Variants in ARID1B observed in about 807,000 individuals in gnomAD.
The protein encoded by ARID1B is AT-rich interactive domain-containing protein 1B.
In ARID1B, 30 loss-of-function variants were observed where a neutral mutation model predicts 212.3. The ratio of observed to expected loss-of-function variants is 0.14; its 90% CI spans 0.11 to 0.19. The LOEUF (loss-of-function observed/expected upper bound fraction) is 0.19, where lower values mean the gene tolerates loss of function less well. Ranked by LOEUF, ARID1B falls within the 10% of genes least tolerant of loss-of-function variation. The pLI, the probability that ARID1B is intolerant of heterozygous loss-of-function variation, is 1.00. For missense variants in ARID1B, 2,891 were observed against 3,204.0 expected (o/e 0.90, Z 2.36); for synonymous variants, 1,402 against 1,301.7 (o/e 1.08, Z -1.66).
chr6:156,936,985 T>C (rs1163177323), intron 4 of ARID1B: 1 of 152,188 alleles, frequency 6.6e-6, no homozygotes, highest in African/African-American at 2.4e-5. Context: ...ATCTGATGGA[T>C]ATATTTTTGA....
intron 7 of ARID1B, among the ~76,000 whole-genome samples, chr6:157,137,435 GT>G (rs1203581821): frequency 6.6e-6 from 1 of 152,156 alleles, no homozygotes; most frequent in Non-Finnish European, 1.5e-5. Context: ...AAAGGATTAT[GT>G]AATTAACATG....
chr6:157,117,860 C>A (rs200066904), intron 6 of ARID1B, among the ~76,000 whole-genome samples: 159 of 152,310 alleles, frequency 1.0e-3, no homozygotes, highest in Non-Finnish European at 1.1e-3. Context: ...GCTGCTCCCC[C>A]CTGCCTCTGT....
At position 157,084,537 on chromosome 6, in the gene ARID1B, T is replaced by C. The variant is rs142628387; in HGVS notation, c.2248-125T>C. ...CTAATAAAAAGTGGCCATGCTTTTT[T>C]ATTTTGGGTGTTACCCAGAAAACCT... On this transcript the variant is annotated intron_variant, in intron 4 of 19. Coordinates refer to ENST00000636930, the MANE Select transcript of ARID1B (RefSeq NM_001374828.1). The C allele has an allele frequency of 2.3e-4, 290 of 1,268,290 alleles. 3 individuals are homozygous for C. In the East Asian group the frequency reaches 6.4e-3, roughly 28 times the overall value. 78.6% of individuals were successfully genotyped at this position (1,268,290 alleles called of 1,614,324 possible). A position where few individuals can be genotyped will look rare whatever the true frequency, so the allele number is the denominator to read the frequency against.
intron 4 of ARID1B, 45 bp from the exon 5 acceptor site, chr6:157,084,617 T>A (rs1397274079): frequency 6.3e-7 from 1 of 1,585,766 alleles, no homozygotes; most frequent in Admixed American, 1.8e-5. Context: ...GATGAGATAT[T>A]CATCCAAACG....
rs189467581 is a variant in ARID1B at position 157,097,884 on chromosome 6, A to G, written c.2492-12588A>G. Among the ~76,000 whole-genome samples, 21 of 152,360 alleles carry G rather than the reference A, an allele frequency of 1.4e-4. No homozygotes were observed. In the East Asian group the frequency reaches 4.1e-3, roughly 29 times the overall value. On this transcript the variant is annotated intron_variant, in intron 5 of 19. Transcript: ENST00000636930. Reference sequence around the variant, plus strand: ...GCAACTGTGGTTAGTTATTAGCAGAATAAAAGCAGATTTCTTCAAAAGAAC... The same window carrying G: ...GCAACTGTGGTTAGTTATTAGCAGAGTAAAAGCAGATTTCTTCAAAAGAAC...
rs1793902710 is a variant in ARID1B, at chr6:156,955,549, C to T, written c.2247+19973C>T. On this transcript the variant is annotated intron_variant, in intron 4 of 19. Coordinates refer to ENST00000636930, the MANE Select transcript of ARID1B (RefSeq NM_001374828.1). This position sits in a 1 kb window ranked among gnomAD's most constrained non-coding sequence, Gnocchi z 4.2. ...GGCTCTGTAATAATTGAAAGTTATA[C>T]ATAATTTGCTATTGACATAATTTTA... Among the ~76,000 whole-genome samples the T allele has an allele frequency of 6.6e-6, 1 of 152,214 alleles. No homozygotes were observed. The highest frequency in any genetic ancestry group is 2.1e-4 in the South Asian group (1 of 4,828).
chr6:157,178,593 T>A (rs1792277772), intron 11 of ARID1B, among the ~76,000 whole-genome samples: 2 of 152,170 alleles, frequency 1.3e-5, no homozygotes, highest in Admixed American at 1.3e-4. Context: ...TTTCCTACAT[T>A]ATGGTGCCAT....
intron 2 of ARID1B, among the ~76,000 whole-genome samples, chr6:156,858,967 C>T (rs1222070975): frequency 6.6e-6 from 1 of 152,030 alleles, no homozygotes; most frequent in East Asian, 1.9e-4. Context: ...ATGTGAAGGC[C>T]TAGGGCATTA....
At chr6:156,860,397 A>G (rs540730714) in intron 2 of ARID1B, among the ~76,000 whole-genome samples, 1 of 152,184 alleles carries the variant, frequency 6.6e-6, no homozygotes, top group South Asian at 2.1e-4. Context: ...AATGGCCACA[A>G]TAGGATTTGA....
intron 1 of ARID1B, among the ~76,000 whole-genome samples, chr6:156,801,786 TTTAG>T (rs1780809281): frequency 6.6e-6 from 1 of 152,072 alleles, no homozygotes; most frequent in Non-Finnish European, 1.5e-5. Context: ...TAAATGTAAG[TTTAG>T]TTAGTGTTTT....
intron 4 of ARID1B, among the ~76,000 whole-genome samples, chr6:156,977,475 A>G (rs952227328): frequency 2.6e-5 from 4 of 152,196 alleles, no homozygotes; most frequent in Non-Finnish European, 5.9e-5. Flanking sequence ...TACATGCATC[A>G]TTAAAGTTTA....
chr6:156,805,799 C>T (rs1306132594), intron 1 of ARID1B, among the ~76,000 whole-genome samples: 1 of 152,068 alleles, frequency 6.6e-6, no homozygotes, highest in Non-Finnish European at 1.5e-5. Flanking sequence ...TCTCAGCCTC[C>T]TAAGTAGCTG....
intron 2 of ARID1B, among the ~76,000 whole-genome samples, chr6:156,866,235 A>G (rs1235036208): frequency 6.6e-6 from 1 of 152,132 alleles, no homozygotes; most frequent in Non-Finnish European, 1.5e-5. Flanking sequence ...AGTGGTTCTG[A>G]GGAGCCCCTC....
intron 4 of ARID1B, among the ~76,000 whole-genome samples, chr6:156,962,971 C>T (rs1360032305): frequency 3.3e-5 from 5 of 151,970 alleles, no homozygotes; most frequent in South Asian, 4.2e-4. Flanking sequence ...TTAGTAGAGA[C>T]GGGGTTTCAC....
chr6:157,102,753 C>T lies in ARID1B; in HGVS notation c.2492-7719C>T, dbSNP rs1259532755. Among the ~76,000 whole-genome samples the T allele has an allele frequency of 5.3e-5, 8 of 151,710 alleles. No homozygotes were observed. The East Asian group carries it at 5.8e-4, about 11-fold the overall frequency. On this transcript the variant is annotated intron_variant, in intron 5 of 19. Transcript: ENST00000636930. ...CTGAGATTACAGGTGTACGCCACCA[C>T]GCCTGGCTAATTTTTATGTACTTTT...
chr6:156,841,583 C>T (rs1251630265), intron 2 of ARID1B, among the ~76,000 whole-genome samples: 2 of 152,102 alleles, frequency 1.3e-5, no homozygotes, highest in South Asian at 4.2e-4. Flanking sequence ...TGTGCCAGGT[C>T]TTATGCTAAG....
At chr6:157,180,286 G>C (rs1792410405) in intron 11 of ARID1B, among the ~76,000 whole-genome samples, 1 of 151,110 alleles carries the variant, frequency 6.6e-6, no homozygotes, top group South Asian at 2.1e-4. Flanking sequence ...TAAAACACAT[G>C]AGCATATAAA....
intron 1 of ARID1B, among the ~76,000 whole-genome samples, chr6:156,801,196 C>CTT (rs397887993): frequency 1.6e-3 from 173 of 105,846 alleles, no homozygotes; most frequent in Middle Eastern, 4.7e-3. Context: ...CTTGAATAAT[C>CTT]TTTTTTTTTT....
chr6:157,189,247 T>G (rs757245977), intron 13 of ARID1B, among the ~76,000 whole-genome samples: 8 of 152,218 alleles, frequency 5.3e-5, no homozygotes, highest in Admixed American at 2.6e-4. Context: ...TTTCATCCCA[T>G]TTATAAAAAT....
Sources: gnomAD v4.1 joint callset for allele counts (sites outside exome capture counted in the v4.1 genomes callset) on GRCh38, gnomAD v4.1.1 for gene constraint, Gnocchi (gnomAD v3.1) non-coding constraint, MANE v1.5 for transcripts, NCBI Gene and HGNC (gene_info 2026-07-23, HGNC 2026-07-21) for gene names.